Variants in FBXL2 observed in about 807,000 individuals in gnomAD.
FBXL2 encodes the protein F-box and leucine rich repeat protein 2.
A neutral mutation model predicts 69.2 loss-of-function variants in FBXL2; 38 were observed. That is an observed-to-expected ratio of 0.55 (90% CI 0.42 to 0.72). FBXL2 has a LOEUF of 0.72. Among genes scored for constraint, FBXL2 ranks in the 30% least tolerant of loss-of-function variants. The pLI, the probability that FBXL2 is intolerant of heterozygous loss-of-function variation, is 0.00. For synonymous variants in FBXL2, 192 were observed against 201.3 expected (o/e 0.95, Z 0.39); for missense variants, 354 against 520.3 (o/e 0.68, Z 3.11).
At chr3:33,404,427 A>G (rs1253011030), downstream of FBXL2, among the ~76,000 whole-genome samples, 4 of 151,926 alleles carry the variant, frequency 2.6e-5, no homozygotes, top group East Asian at 1.9e-4. Flanking sequence ...AAATGAAAAT[A>G]GATAAATAAG....
chr3:33,328,483 C>T (rs1247327250), intron 2 of FBXL2, among the ~76,000 whole-genome samples: 1 of 152,058 alleles, frequency 6.6e-6, no homozygotes, highest in Non-Finnish European at 1.5e-5. Context: ...CTGTATGGTG[C>T]TGGTATAGAA....
chr3:33,291,207 G>A (rs1559494397), intron 1 of FBXL2, among the ~76,000 whole-genome samples: 1 of 152,122 alleles, frequency 6.6e-6, no homozygotes, highest in Non-Finnish European at 1.5e-5. Context: ...GGAATTACAG[G>A]CGTGAGCTAC....
At chr3:33,322,360 G>A (rs752421382) in intron 2 of FBXL2, among the ~76,000 whole-genome samples, 1 of 152,086 alleles carries the variant, frequency 6.6e-6, no homozygotes, top group Non-Finnish European at 1.5e-5. Context: ...TTACAGGCGT[G>A]AGCTACGGCG....
intron 2 of FBXL2, among the ~76,000 whole-genome samples, chr3:33,321,330 A>T (rs1049846124): frequency 3.9e-5 from 6 of 152,018 alleles, no homozygotes; most frequent in Non-Finnish European, 8.8e-5. Flanking sequence ...AGAAAAAGAA[A>T]AAAGAAAAAA....
intron 2 of FBXL2, among the ~76,000 whole-genome samples, chr3:33,324,049 A>G (rs894239036): frequency 2.6e-5 from 4 of 152,146 alleles, no homozygotes; most frequent in African/African-American, 9.7e-5. Flanking sequence ...GCATTTCTCT[A>G]GTGACCAGTG....
At chr3:33,389,642 CA>C (rs2043678983), downstream of FBXL2, 2 of 152,226 alleles carry the variant, frequency 1.3e-5, no homozygotes. Flanking sequence ...GTGACAAAGC[CA>C]AAACACAAAA....
chr3:33,409,679 C>T, the FBXL2 span: 1 of 1,539,496 alleles, frequency 6.5e-7, no homozygotes. Context: ...TCTTGAGTGA[C>T]CTGACACCAC....
At chr3:33,418,346 C>A in the FBXL2 span, among the ~76,000 whole-genome samples, 3 of 152,150 alleles carry the variant, frequency 2.0e-5, no homozygotes, top group African/African-American at 4.8e-5. Flanking sequence ...CTCCACCTCC[C>A]AGGTTCAAGC....
chr3:33,304,451 A>AT (rs1474403245), intron 2 of FBXL2, among the ~76,000 whole-genome samples: 1 of 152,146 alleles, frequency 6.6e-6, no homozygotes, highest in Non-Finnish European at 1.5e-5. Context: ...AAATTCTGTT[A>AT]TGAAAGGTGA....
downstream of FBXL2, chr3:33,392,740 G>A (rs1023970740): frequency 1.4e-5 from 12 of 858,172 alleles, no homozygotes; most frequent in African/African-American, 1.9e-4. Flanking sequence ...GATAATTCAT[G>A]AAGGCAGTGT....
intron 2 of FBXL2, among the ~76,000 whole-genome samples, chr3:33,337,302 A>G (rs1280465470): frequency 6.6e-6 from 1 of 152,158 alleles, no homozygotes; most frequent in East Asian, 1.9e-4. Flanking sequence ...GATAAAAAGA[A>G]CTACAAATCT....
chr3:33,413,547 A>C, the FBXL2 span, among the ~76,000 whole-genome samples: 1 of 103,698 alleles, frequency 9.6e-6, no homozygotes, highest in South Asian at 2.7e-4. Context: ...ACTCCATCAC[A>C]AAAAAAAAAA....
chr3:33,295,252 A>G (rs955567510), intron 1 of FBXL2, among the ~76,000 whole-genome samples: 7 of 152,202 alleles, frequency 4.6e-5, no homozygotes, highest in African/African-American at 1.7e-4. Context: ...ATACACTCAC[A>G]GTCACTTTCC....
At chr3:33,365,122 T>C (rs2041867817) in intron 5 of FBXL2, among the ~76,000 whole-genome samples, 2 of 152,208 alleles carry the variant, frequency 1.3e-5, no homozygotes, top group Admixed American at 6.5e-5. Context: ...ATTTTACTAA[T>C]TGATAAAATA....
chr3:33,337,129 C>A (rs1343088400), intron 2 of FBXL2, among the ~76,000 whole-genome samples: 1 of 152,002 alleles, frequency 6.6e-6, no homozygotes, highest in Non-Finnish European at 1.5e-5. Flanking sequence ...CGCTTGAACC[C>A]GGGAGGTGGA....
chr3:33,326,859 C>T (rs2038739998), intron 2 of FBXL2, among the ~76,000 whole-genome samples: 1 of 152,112 alleles, frequency 6.6e-6, no homozygotes, highest in African/African-American at 2.4e-5. Context: ...TTTTTGTTAT[C>T]CTATTGATCT....
chr3:33,363,716 A>G (rs1454902026), intron 4 of FBXL2, among the ~76,000 whole-genome samples: 1 of 152,194 alleles, frequency 6.6e-6, no homozygotes, highest in East Asian at 1.9e-4. Context: ...TCTGTATTCC[A>G]CACATACTCT....
In FBXL2 at chr3:33,361,711, T is replaced by A. The variant is rs1325014305; in HGVS notation, c.195+2354T>A. On this transcript the variant is annotated intron_variant, in intron 4 of 14. Transcript: ENST00000484457. ...TTTACCAGTTATATAAAGAATTGTA[T>A]GTGAAAACCTAAAATAGCTGGCACC... Among the ~76,000 whole-genome samples the A allele has an allele frequency of 2.6e-5, 4 of 152,196 alleles. No individual in the cohort carries two copies. In the South Asian group the frequency reaches 8.3e-4, roughly 31 times the overall value.
At chr3:33,342,152 C>G (rs1025228743) in intron 2 of FBXL2, among the ~76,000 whole-genome samples, 1 of 151,118 alleles carries the variant, frequency 6.6e-6, no homozygotes, top group Non-Finnish European at 1.5e-5. Context: ...CTACAGGTGC[C>G]TGATACTACG....
Sources: allele counts gnomAD v4.1 joint callset (sites outside exome capture counted in the v4.1 genomes callset), GRCh38; gene constraint gnomAD v4.1.1; transcripts MANE v1.5; gene names NCBI Gene and HGNC (gene_info 2026-07-23, HGNC 2026-07-21).